The following RANBP2 variants were observed in gnomAD, a reference collection of about 807,000 sequenced individuals.
The protein encoded by RANBP2 is RAN binding protein 2.
RANBP2 carries 57 observed loss-of-function variants against 303.6 expected under a neutral mutation model. The ratio of observed to expected loss-of-function variants is 0.19; its 90% CI spans 0.15 to 0.23. The LOEUF (loss-of-function observed/expected upper bound fraction) is 0.23. Among genes scored for constraint, RANBP2 ranks in the 10% least tolerant of loss-of-function variants. The pLI, the probability that RANBP2 is intolerant of heterozygous loss-of-function variation, is 1.00. For synonymous variants in RANBP2, 1,167 were observed against 1,301.5 expected, an observed-to-expected ratio of 0.90 and a Z score of 2.23; for missense variants, 3,138 against 3,780.8, an observed-to-expected ratio of 0.83 and a Z score of 4.46.
chr2:108,930,372 A>C, the RANBP2 span: 303 of 969,910 alleles, frequency 3.1e-4, no homozygotes, highest in Admixed American at 1.2e-3. Context: ...TCGGTCTGGG[A>C]AGGTGCCCGC....
At chr2:109,300,330 C>G in the RANBP2 span, among the ~76,000 whole-genome samples, 6 of 152,144 alleles carry the variant, frequency 3.9e-5, no homozygotes, top group African/African-American at 7.2e-5. Context: ...TAGTCGCACG[C>G]CACCATGTCT....
chr2:109,456,093 G>T, the RANBP2 span, among the ~76,000 whole-genome samples: 1 of 152,232 alleles, frequency 6.6e-6, no homozygotes, highest in Non-Finnish European at 1.5e-5. Flanking sequence ...GGCCCACTGG[G>T]GGCTTGGGAA....
chr2:109,445,998 C>A, the RANBP2 span, among the ~76,000 whole-genome samples: 1 of 152,132 alleles, frequency 6.6e-6, no homozygotes, highest in Non-Finnish European at 1.5e-5. Context: ...AAGGGAAAAG[C>A]AGGGACCATG....
the RANBP2 span, among the ~76,000 whole-genome samples, chr2:108,966,564 C>T: frequency 6.6e-6 from 1 of 152,238 alleles, no homozygotes; most frequent in Non-Finnish European, 1.5e-5. Flanking sequence ...AGGTCATCTT[C>T]TGTCTGGACA....
At chr2:108,990,025 C>T in the RANBP2 span, among the ~76,000 whole-genome samples, 3 of 152,118 alleles carry the variant, frequency 2.0e-5, no homozygotes, top group Non-Finnish European at 4.4e-5. Context: ...GTCTGGGCTC[C>T]GTGGCTCACA....
the RANBP2 span, among the ~76,000 whole-genome samples, chr2:109,166,629 G>A: frequency 6.6e-6 from 1 of 152,296 alleles, no homozygotes; most frequent in East Asian, 1.9e-4. Context: ...TCCAGTGAGG[G>A]AGTGAAGGGG....
chr2:109,636,785 A>T, the RANBP2 span, among the ~76,000 whole-genome samples: 1 of 152,076 alleles, frequency 6.6e-6, no homozygotes, highest in Non-Finnish European at 1.5e-5. Context: ...CAAAAATATA[A>T]AAATTAGCCA....
At chr2:109,017,539 C>T in the RANBP2 span, among the ~76,000 whole-genome samples, 1 of 152,224 alleles carries the variant, frequency 6.6e-6, no homozygotes, top group Non-Finnish European at 1.5e-5. Flanking sequence ...GGGCAGACCT[C>T]AAGAAAGCCT....
chr2:109,685,629 C>T, the RANBP2 span, among the ~76,000 whole-genome samples: 1 of 152,214 alleles, frequency 6.6e-6, no homozygotes, highest in Admixed American at 6.5e-5. Flanking sequence ...CCCTGCTGGG[C>T]AGAGCAGCCC....
At chr2:109,624,974 G>A in the RANBP2 span, among the ~76,000 whole-genome samples, 1 of 151,450 alleles carries the variant, frequency 6.6e-6, no homozygotes, top group African/African-American at 2.4e-5. Context: ...CCAGCTACTT[G>A]GGAAGCTGAG....
downstream of RANBP2, among the ~76,000 whole-genome samples, chr2:108,786,257 T>C (rs1678681493): frequency 6.7e-6 from 1 of 149,496 alleles, no homozygotes; most frequent in South Asian, 2.1e-4. Context: ...TTTCCCTTTT[T>C]TTTTTTTTTT....
chr2:108,800,201 T>C, the RANBP2 span, among the ~76,000 whole-genome samples: 1 of 152,178 alleles, frequency 6.6e-6, no homozygotes, highest in Admixed American at 6.6e-5. Flanking sequence ...GTTCTATTGT[T>C]ACCTTCTGGA....
chr2:109,199,997 G>A, the RANBP2 span, among the ~76,000 whole-genome samples: 1 of 152,024 alleles, frequency 6.6e-6, no homozygotes, highest in South Asian at 2.1e-4. Context: ...CAGCTAAGGT[G>A]GGGTGGGTGC....
At chr2:109,416,923 AAGAATT>A in the RANBP2 span, among the ~76,000 whole-genome samples, 4 of 151,172 alleles carry the variant, frequency 2.6e-5, no homozygotes, top group African/African-American at 9.8e-5. Context: ...AAAAAAAAAA[AAGAATT>A]GTATGTCCAG....
At chr2:109,495,976 A>G in the RANBP2 span, among the ~76,000 whole-genome samples, 1 of 152,230 alleles carries the variant, frequency 6.6e-6, no homozygotes, top group Non-Finnish European at 1.5e-5. Flanking sequence ...TCGTGGTCTC[A>G]CTGACTTCAA....
the RANBP2 span, among the ~76,000 whole-genome samples, chr2:109,319,434 G>A: frequency 4.6e-5 from 7 of 152,224 alleles, no homozygotes; most frequent in Admixed American, 6.5e-5. Flanking sequence ...CTGCTGGGCT[G>A]AAAGCTTGGA....
intron 15 of RANBP2, 23 bp from the exon 16 acceptor site, chr2:108,754,882 T>G: frequency 6.2e-7 from 1 of 1,611,336 alleles, no homozygotes; most frequent in Non-Finnish European, 8.5e-7. Flanking sequence ...TGAAAGCCCT[T>G]AATTAATGTC....
At chr2:108,821,352 C>T in the RANBP2 span, among the ~76,000 whole-genome samples, 1,230 of 149,262 alleles carry the variant, frequency 8.2e-3, 22 homozygotes, top group Middle Eastern at 0.027. Flanking sequence ...GGTGAGACTC[C>T]GTCTCAAAAA....
the RANBP2 span, among the ~76,000 whole-genome samples, chr2:109,088,500 A>G: frequency 6.6e-6 from 1 of 151,658 alleles, no homozygotes; most frequent in Non-Finnish European, 1.5e-5. Flanking sequence ...CCAGGAAACA[A>G]TGCTGTCTTT....
Sources: gnomAD v4.1 joint callset for allele counts (sites outside exome capture counted in the v4.1 genomes callset) on GRCh38, gnomAD v4.1.1 for gene constraint, MANE v1.5 for transcripts, NCBI Gene and HGNC (gene_info 2026-07-23, HGNC 2026-07-21) for gene names.